ANKRD36: variants seen among roughly 807,000 people sequenced by gnomAD.
ANKRD36 encodes ankyrin repeat domain 36.
Under a neutral mutation model 278.1 loss-of-function variants are expected in ANKRD36, and 179 were observed. The observed-to-expected ratio is 0.64, with a 90% CI of 0.57 to 0.73. The LOEUF is 0.73. Among genes scored for constraint, ANKRD36 ranks in the 30% least tolerant of loss-of-function variants. ANKRD36 has a pLI of 0.00. For missense variants in ANKRD36, 1,159 were observed against 1,956.7 expected (o/e 0.59, Z 7.69); for synonymous variants, 320 against 641.1 (o/e 0.50, Z 7.57).
intron 46 of ANKRD36, 88 bp downstream of exon 46, chr2:97,200,613 C>G: frequency 6.6e-7 from 1 of 1,514,696 alleles, no homozygotes; most frequent in Middle Eastern, 2.4e-4. Context: ...CTGGTTGAAG[C>G]TGCACGTTCT....
intron 32 of ANKRD36, among the ~76,000 whole-genome samples, chr2:97,188,772 G>T (rs2057968882): frequency 1.0e-5 from 1 of 99,146 alleles, no homozygotes; most frequent in African/African-American, 2.5e-5. Flanking sequence ...TGTATGAGTT[G>T]CTCCTCTGAT....
rs775779414 is a variant in ANKRD36 at position 97,200,345 on chromosome 2, A to G, written c.2767A>G (p.Lys923Glu). The change falls in exon 45 of 76, where the codon AAA becomes GAA. Residue 923 changes from lysine (K) to glutamate (E), a missense_variant. Transcript: ENST00000420699. ...CTTTTGCTTTTCAGTGTCTTCTCGG[A>G]AAAAACCATCCTTGGAGGTAATGAA... Reference protein sequence around the residue: ...GEKTKRVSSRKKPSLEATSDE... With the variant: ...GEKTKRVSSREKPSLEATSDE... The G allele has an allele frequency of 1.4e-5, 23 of 1,606,732 alleles. No individual in the cohort carries two copies. In the African/African-American group the frequency reaches 2.7e-4, roughly 19 times the overall value.
intron 3 of ANKRD36, among the ~76,000 whole-genome samples, chr2:97,122,069 C>G (rs904555141): frequency 8.2e-6 from 1 of 121,266 alleles, no homozygotes; most frequent in African/African-American, 2.6e-5. Context: ...AATGAACTGT[C>G]AATCGTGTCA....
chr2:97,217,939 T>A (rs1348215747), intron 64 of ANKRD36, among the ~76,000 whole-genome samples: 1 of 151,924 alleles, frequency 6.6e-6, no homozygotes, highest in African/African-American at 2.4e-5. Context: ...CAGATGCATT[T>A]TGAATATTTG....
At chr2:97,119,157 GGAT>G (rs1444716683) in intron 3 of ANKRD36, among the ~76,000 whole-genome samples, 1 of 12,408 alleles carries the variant, frequency 8.1e-5, no homozygotes, top group African/African-American at 1.5e-4. Flanking sequence ...TCAGTTTTGG[GGAT>G]GATTATTCTT....
At chr2:97,260,180 G>A (rs1346947823) in intron 75 of ANKRD36, among the ~76,000 whole-genome samples, 47 of 81,900 alleles carry the variant, frequency 5.7e-4, no homozygotes, top group Non-Finnish European at 8.5e-4. Flanking sequence ...TCTATGGCAG[G>A]TATAGGCTTA....
chr2:97,138,169 A>G (rs2042007107), intron 6 of ANKRD36, among the ~76,000 whole-genome samples: 1 of 152,110 alleles, frequency 6.6e-6, no homozygotes, highest in South Asian at 2.1e-4. Context: ...CTGTTTGCAG[A>G]TGACATGATT....
chr2:97,129,014 T>C (rs1257338741), intron 6 of ANKRD36, among the ~76,000 whole-genome samples: 1 of 152,108 alleles, frequency 6.6e-6, no homozygotes, highest in Admixed American at 6.6e-5. Context: ...TCAAATGGTA[T>C]TTCTAGTTCT....
Position 97,207,853 on chromosome 2 carries a change from C to T in ANKRD36, c.3192+14C>T, listed in dbSNP as rs1216129633. 13 of 1,546,116 alleles carry T rather than the reference C, an allele frequency of 8.4e-6. No individual in the cohort carries two copies. Among genetic ancestry groups the T allele is most frequent in the South Asian group, 1.2e-5 (1 of 83,742 alleles). On this transcript the variant is annotated intron_variant, in intron 53 of 75. Transcript: ENST00000420699. The stretch of plus-strand genomic sequence containing the variant: ...TCAGGCTTGAAGGTAATGAAACTGT[C>T]ATTTATATTGTGAACTAGTAAATGT...
intron 11 of ANKRD36, among the ~76,000 whole-genome samples, chr2:97,148,667 T>A (rs1207911020): frequency 1.2e-3 from 172 of 141,836 alleles, no homozygotes; most frequent in South Asian, 3.3e-3. Flanking sequence ...AATAACAATC[T>A]AACAACATAT....
intron 8 of ANKRD36, among the ~76,000 whole-genome samples, chr2:97,143,764 C>T (rs2043513656): frequency 6.6e-6 from 1 of 152,282 alleles, no homozygotes; most frequent in South Asian, 2.1e-4. Context: ...TTATTCATAT[C>T]TAATGATTTC....
chr2:97,224,632 A>G (rs1430407594), intron 66 of ANKRD36, among the ~76,000 whole-genome samples, 174 bp from the exon 67 acceptor site: 1 of 151,954 alleles, frequency 6.6e-6, no homozygotes, highest in Non-Finnish European at 1.5e-5. Context: ...TGTATTTTTT[A>G]GTAGAGACGA....
intron 6 of ANKRD36, among the ~76,000 whole-genome samples, 159 bp downstream of exon 6, chr2:97,127,293 GTTAAT>G (rs1315812400): frequency 6.6e-6 from 1 of 151,706 alleles, no homozygotes; most frequent in Non-Finnish European, 1.5e-5. Context: ...TATTTAAAAA[GTTAAT>G]TGTAGGTAAT....
chr2:97,200,703 G>A (rs546706854), intron 46 of ANKRD36, among the ~76,000 whole-genome samples, 178 bp downstream of exon 46: 66 of 151,960 alleles, frequency 4.3e-4, no homozygotes, highest in African/African-American at 1.3e-3. Flanking sequence ...CATGATCTTC[G>A]CTGTAAGATT....
chr2:97,211,613 T>C lies in ANKRD36; in HGVS notation c.3396+39T>C, dbSNP rs533763530. 151 of 1,600,690 alleles carry C rather than the reference T, an allele frequency of 9.4e-5. No homozygotes were observed. In the African/African-American group the frequency reaches 1.9e-3, roughly 20 times the overall value. On this transcript the variant is annotated intron_variant, in intron 57 of 75. Transcript: ENST00000420699. The stretch of plus-strand genomic sequence containing the variant: ...CATTTATATTTTGAACTATTAACTG[T>C]ATAGTATATGAAATATACTTTATTT...
In ANKRD36 at chr2:97,158,308, A is replaced by G. The variant is rs575903008; in HGVS notation, c.1321+141A>G. ...AGTGGCATGATCTTGGCTCACTGCA[A>G]CTTCTACCTCCTGGGTTCAAGTGAT... On this transcript the variant is annotated intron_variant, in intron 16 of 75. Transcript: ENST00000420699. 5.8e-4 allele frequency: 578 copies of G among 1,000,110 alleles called. 1 individual carries two copies. In the African/African-American group the frequency reaches 8.4e-3, roughly 15 times the overall value. The allele number at this position is 1,000,110 out of a possible 1,614,324, so 62.0% of individuals were successfully genotyped here. A position where few individuals can be genotyped will look rare whatever the true frequency, so the allele number is the denominator to read the frequency against.
At chr2:97,193,498 T>C (rs1363937214) in intron 38 of ANKRD36, among the ~76,000 whole-genome samples, 1 of 122,090 alleles carries the variant, frequency 8.2e-6, no homozygotes, top group Non-Finnish European at 2.0e-5. Context: ...ACTATTTTCC[T>C]AAGGAAGACG....
At chr2:97,211,998 T>C (rs1383909515) in intron 58 of ANKRD36, among the ~76,000 whole-genome samples, 4 of 151,820 alleles carry the variant, frequency 2.6e-5, no homozygotes, top group Non-Finnish European at 5.9e-5. Context: ...CATAACAGGC[T>C]CAGGGGACAG....
chr2:97,153,827 G>C (rs928925207), intron 14 of ANKRD36, among the ~76,000 whole-genome samples: 11 of 147,130 alleles, frequency 7.5e-5, no homozygotes, highest in African/African-American at 2.7e-4. Context: ...ATCCAGAAGG[G>C]GGAGCCCATA....
Sources: gnomAD v4.1 joint callset for allele counts (sites outside exome capture counted in the v4.1 genomes callset) on GRCh38, gnomAD v4.1.1 for gene constraint, MANE v1.5 for transcripts, NCBI Gene and HGNC (gene_info 2026-07-23, HGNC 2026-07-21) for gene names.